The following MROH7 variants were observed in gnomAD, a reference collection of about 807,000 sequenced individuals.
MROH7 encodes the protein maestro heat-like repeat-containing protein family member 7.
MROH7 carries 113 observed loss-of-function variants against 129.2 expected under a neutral mutation model. The ratio of observed to expected loss-of-function variants is 0.87; its 90% confidence interval spans 0.75 to 1.02. The LOEUF (loss-of-function observed/expected upper bound fraction) is 1.02, where lower values mean the gene tolerates loss of function less well. Among genes scored for constraint, MROH7 ranks in the 50% least tolerant of loss-of-function variants. The pLI, the probability that MROH7 is intolerant of heterozygous loss-of-function variation, is 0.00. For synonymous variants in MROH7, 655 were observed against 667.9 expected (o/e 0.98, Z 0.30); for missense variants, 1,601 against 1,671.3 (o/e 0.96, Z 0.73).
At chr1:54,649,080 G>A (rs1441753722) in intron 1 of MROH7, among the ~76,000 whole-genome samples, 1 of 152,148 alleles carries the variant, frequency 6.6e-6, no homozygotes, top group African/African-American at 2.4e-5. Context: ...TGAGTGTATA[G>A]GTACTTGCAC....
intron 17 of MROH7, 77 bp from the exon 18 acceptor site, chr1:54,700,244 C>A: frequency 6.3e-7 from 1 of 1,575,574 alleles, no homozygotes; most frequent in Non-Finnish European, 8.7e-7. Flanking sequence ...ATCCAATGTG[C>A]AATCCCAGTG....
At chr1:54,650,363 T>C (rs182776251) in intron 1 of MROH7, among the ~76,000 whole-genome samples, 1 of 152,274 alleles carries the variant, frequency 6.6e-6, no homozygotes, top group East Asian at 1.9e-4. Context: ...ACAGCAAAAT[T>C]TGTGGAGTGA....
At chr1:54,657,573 C>T (rs1020033598) in intron 3 of MROH7, among the ~76,000 whole-genome samples, 6 of 152,018 alleles carry the variant, frequency 3.9e-5, no homozygotes, top group Non-Finnish European at 7.4e-5. Context: ...GAAGAGACCT[C>T]GCTATGTTGC....
intron 15 of MROH7, among the ~76,000 whole-genome samples, chr1:54,686,798 A>C (rs894078106): frequency 6.6e-6 from 1 of 152,188 alleles, no homozygotes; most frequent in African/African-American, 2.4e-5. Context: ...TGGAGTAGAT[A>C]ATATAGGCAC....
At chr1:54,662,540 G>GAA (rs751697203) in intron 3 of MROH7, among the ~76,000 whole-genome samples, 3 of 141,182 alleles carry the variant, frequency 2.1e-5, no homozygotes, top group Admixed American at 7.1e-5. Flanking sequence ...CCATTTCAAA[G>GAA]AAAAAAAAAA....
At chr1:54,697,653 C>A (rs1342343701) in intron 17 of MROH7, 1 of 703,236 alleles carries the variant, frequency 1.4e-6, no homozygotes, top group Admixed American at 2.0e-5. Context: ...ATCTGCACAG[C>A]AACCCTGCGA....
At position 54,679,984 on chromosome 1, in the gene MROH7, GC is replaced by G; in HGVS notation, c.2321del (p.Ala774ValfsTer5). ...QVALLPVSLL[A>X]SSFMTEVVVA... ...GGCCCTGCTGCCCGTCTCCCTCCTG[GC>G]TAGCTCCTTCATGACCGAGGTTGTG... On this transcript the variant is annotated frameshift_variant, in exon 13 of 24. Transcript: ENST00000421030. LOFTEE classifies it high-confidence loss of function. The G allele has an allele frequency of 6.2e-7, 1 of 1,613,962 alleles. No individual in the cohort carries two copies. The highest frequency in any genetic ancestry group is 8.5e-7 in the Non-Finnish European group (1 of 1,179,970).
intron 22 of MROH7, among the ~76,000 whole-genome samples, chr1:54,707,491 T>TG (rs761071344): frequency 2.6e-5 from 4 of 152,196 alleles, no homozygotes; most frequent in Non-Finnish European, 4.4e-5. Context: ...GTGATGCTGA[T>TG]GAAGGTGTGG....
chr1:54,659,536 C>A (rs1644700568), intron 3 of MROH7, among the ~76,000 whole-genome samples: 1 of 151,910 alleles, frequency 6.6e-6, no homozygotes, highest in South Asian at 2.1e-4. Flanking sequence ...CTCACCACAA[C>A]CTCTGCCTCC....
At chr1:54,688,350 G>A (rs1386989497) in intron 15 of MROH7, among the ~76,000 whole-genome samples, 1 of 151,928 alleles carries the variant, frequency 6.6e-6, no homozygotes, top group Non-Finnish European at 1.5e-5. Context: ...AGGATTATAG[G>A]TGTAAGCCAC....
rs112782945 is a variant in MROH7 at position 54,648,812 on chromosome 1, G to A, written c.-109-3137G>A. Reference sequence around the variant, plus strand: ...GGAACTGGAGTAGGGTCTGGTAGTCGTGATGAAGAAATGGGGAGAGATTTG... The same window carrying A: ...GGAACTGGAGTAGGGTCTGGTAGTCATGATGAAGAAATGGGGAGAGATTTG... On this transcript the variant is annotated intron_variant, in intron 1 of 23. Transcript: ENST00000421030. Among the ~76,000 whole-genome samples the A allele has an allele frequency of 8.4e-3, 1,277 of 152,258 alleles. 15 individuals carry two copies. Among genetic ancestry groups the A allele is most frequent in the African/African-American group, 0.029 (1,218 of 41,540 alleles).
intron 10 of MROH7, among the ~76,000 whole-genome samples, chr1:54,675,084 T>C (rs1039160630): frequency 6.6e-6 from 1 of 152,154 alleles, no homozygotes; most frequent in Non-Finnish European, 1.5e-5. Flanking sequence ...CAAATGATTC[T>C]CCTGCCTCAG....
At chr1:54,681,797 C>G (rs991114387) in intron 13 of MROH7, among the ~76,000 whole-genome samples, 1 of 152,182 alleles carries the variant, frequency 6.6e-6, no homozygotes, top group Non-Finnish European at 1.5e-5. Context: ...CCCCAGGCTG[C>G]TCAACTGCCT....
chr1:54,692,700 G>A, intron 16 of MROH7, 139 bp downstream of exon 16: 1 of 848,522 alleles, frequency 1.2e-6, no homozygotes, highest in Non-Finnish European at 1.8e-6. Context: ...ACAACTGGGA[G>A]GGTGCTGTCT....
intron 5 of MROH7, among the ~76,000 whole-genome samples, chr1:54,669,471 T>C (rs1014308668): frequency 2.6e-5 from 4 of 152,150 alleles, no homozygotes; most frequent in African/African-American, 9.7e-5. Flanking sequence ...TTAACTAACA[T>C]TAATTGAACA....
intron 10 of MROH7, among the ~76,000 whole-genome samples, chr1:54,678,145 A>C (rs748896484): frequency 1.3e-5 from 2 of 152,164 alleles, no homozygotes; most frequent in Non-Finnish European, 2.9e-5. Flanking sequence ...ACTGTTTGGC[A>C]ATATCTTCTG....
At chr1:54,688,746 C>G (rs969200519) in intron 15 of MROH7, among the ~76,000 whole-genome samples, 2 of 152,166 alleles carry the variant, frequency 1.3e-5, no homozygotes, top group Non-Finnish European at 2.9e-5. Context: ...CTCGTAGGTG[C>G]CGCCCTGAGA....
Position 54,673,072 on chromosome 1 carries a change from G to T in MROH7, c.1600-19G>T, listed in dbSNP as rs1644926361. 1 of 1,602,570 alleles carries T rather than the reference G, an allele frequency of 6.2e-7. No individual in the cohort carries two copies. The highest frequency in any genetic ancestry group is 8.5e-7 in the Non-Finnish European group (1 of 1,170,330). ...GCTCCAGAGGTGCCTTAGTGGCTTG[G>T]TCCTCCTCCCATCCACAGGCTCTTT... On this transcript the variant is annotated intron_variant, in intron 7 of 23. Transcript: ENST00000421030.
chr1:54,672,992 C>A, intron 7 of MROH7, 99 bp from the exon 8 acceptor site: 1 of 779,242 alleles, frequency 1.3e-6, no homozygotes, highest in East Asian at 2.5e-5. Flanking sequence ...TTTCCTGGGT[C>A]TTAATTCCCC....
Sources: gnomAD v4.1 joint callset for allele counts (sites outside exome capture counted in the v4.1 genomes callset) on GRCh38, gnomAD v4.1.1 for gene constraint, MANE v1.5 for transcripts, NCBI Gene and HGNC (gene_info 2026-07-23, HGNC 2026-07-21) for gene names.